CDH12: variants seen among roughly 807,000 people sequenced by gnomAD.
The protein encoded by CDH12 is cadherin 12.
Under a neutral mutation model 74.1 loss-of-function variants are expected in CDH12, and 41 were observed. The ratio of observed to expected loss-of-function variants is 0.55; its 90% CI spans 0.43 to 0.72. The LOEUF (loss-of-function observed/expected upper bound fraction) is 0.72. CDH12 is among the 30% of genes least tolerant of loss of function. CDH12 has a pLI of 0.00. For missense variants in CDH12, 945 were observed against 977.2 expected, an observed-to-expected ratio of 0.97 and a Z score of 0.44; for synonymous variants, 399 against 355.0, an observed-to-expected ratio of 1.12 and a Z score of -1.39.
At chr5:21,839,761 T>C (rs1365981743) in intron 8 of CDH12, among the ~76,000 whole-genome samples, 1 of 152,166 alleles carries the variant, frequency 6.6e-6, no homozygotes, top group Non-Finnish European at 1.5e-5. Context: ...TTTTTGACTG[T>C]TTATGCAAAT....
At chr5:21,998,479 G>C (rs1052331651) in intron 5 of CDH12, among the ~76,000 whole-genome samples, 3 of 151,966 alleles carry the variant, frequency 2.0e-5, no homozygotes, top group African/African-American at 7.2e-5. Flanking sequence ...TAGTACAGAG[G>C]ACACAAATAG....
chr5:22,648,420 A>G (rs1417078967), intron 1 of CDH12, among the ~76,000 whole-genome samples: 1 of 151,852 alleles, frequency 6.6e-6, no homozygotes, highest in East Asian at 1.9e-4. Context: ...GGTATTGAAG[A>G]AACTGGACAG....
chr5:22,819,036 A>G (rs1241006076), intron 1 of CDH12, among the ~76,000 whole-genome samples: 2 of 152,152 alleles, frequency 1.3e-5, no homozygotes, highest in East Asian at 3.9e-4. Context: ...CCCACTTAAT[A>G]AAAATAAATT....
intron 3 of CDH12, among the ~76,000 whole-genome samples, chr5:22,385,995 C>A (rs901008404): frequency 6.7e-6 from 1 of 149,862 alleles, no homozygotes; most frequent in South Asian, 2.1e-4. Context: ...CAGTTTCAAG[C>A]AATTGTCCTG....
intron 2 of CDH12, among the ~76,000 whole-genome samples, chr5:22,465,064 AAGAG>A (rs770234306): frequency 7.4e-6 from 1 of 134,584 alleles, no homozygotes; most frequent in Middle Eastern, 3.8e-3. Flanking sequence ...GAGGGGGGGA[AAGAG>A]AGAGAGAGAG....
intron 3 of CDH12, among the ~76,000 whole-genome samples, chr5:22,357,163 C>T (rs928826262): frequency 2.6e-5 from 4 of 151,998 alleles, no homozygotes; most frequent in African/African-American, 9.7e-5. Flanking sequence ...TCTGACAAGG[C>T]AAAAGTGAAC....
At chr5:21,753,707 C>A (rs1361002437) in intron 14 of CDH12, among the ~76,000 whole-genome samples, 1 of 152,060 alleles carries the variant, frequency 6.6e-6, no homozygotes, top group Non-Finnish European at 1.5e-5. Context: ...CTGCTGTATA[C>A]CAAAAATTCA....
intron 2 of CDH12, among the ~76,000 whole-genome samples, chr5:22,414,760 T>C (rs1414960710): frequency 6.6e-6 from 1 of 151,894 alleles, no homozygotes; most frequent in Non-Finnish European, 1.5e-5. Flanking sequence ...ATTAAATTTC[T>C]AAAATAAAAT....
chr5:21,830,947 A>G (rs1439186333), intron 8 of CDH12, among the ~76,000 whole-genome samples: 1 of 152,012 alleles, frequency 6.6e-6, no homozygotes. Flanking sequence ...GCTGAGGCAG[A>G]GAATTGCTTG....
chr5:22,819,449 C>A (rs547791551), intron 1 of CDH12, among the ~76,000 whole-genome samples: 4 of 151,922 alleles, frequency 2.6e-5, no homozygotes, highest in African/African-American at 7.2e-5. Context: ...AAGTGGGCAA[C>A]TCAAAAAATC....
intron 3 of CDH12, among the ~76,000 whole-genome samples, chr5:22,276,940 GA>G (rs1736661801): frequency 6.6e-6 from 1 of 152,176 alleles, no homozygotes; most frequent in Admixed American, 6.5e-5. Context: ...TTATAGATGA[GA>G]AAATGGAGGC....
At chr5:21,878,397 T>A (rs889493247) in intron 6 of CDH12, among the ~76,000 whole-genome samples, 2 of 152,156 alleles carry the variant, frequency 1.3e-5, no homozygotes, top group Non-Finnish European at 2.9e-5. Context: ...AATACGTTTA[T>A]TAATGAGATC....
intron 3 of CDH12, among the ~76,000 whole-genome samples, chr5:22,382,785 G>C (rs1481848056): frequency 6.6e-6 from 1 of 151,726 alleles, no homozygotes; most frequent in Non-Finnish European, 1.5e-5. Context: ...TAAGTGTTGA[G>C]ACTGAATCGA....
intron 3 of CDH12, among the ~76,000 whole-genome samples, chr5:22,322,768 C>G (rs929284195): frequency 6.6e-6 from 1 of 152,146 alleles, no homozygotes; most frequent in Non-Finnish European, 1.5e-5. Flanking sequence ...TAGGCTCATT[C>G]ACTGGGCAGG....
At chr5:21,796,469 T>C (rs951797529) in intron 10 of CDH12, among the ~76,000 whole-genome samples, 4 of 152,014 alleles carry the variant, frequency 2.6e-5, no homozygotes, top group African/African-American at 9.7e-5. Context: ...GTGAAAACAT[T>C]GTAAGATGAA....
intron 6 of CDH12, among the ~76,000 whole-genome samples, chr5:21,868,973 T>C (rs1368082712): frequency 6.6e-6 from 1 of 152,210 alleles, no homozygotes; most frequent in Non-Finnish European, 1.5e-5. Flanking sequence ...TTCTTGTTCC[T>C]GCAACTTTGT....
chr5:21,779,484 A>T (rs191105361), intron 11 of CDH12: 1 of 152,346 alleles, frequency 6.6e-6, no homozygotes, highest in Non-Finnish European at 1.5e-5. Context: ...CTCATTGAAA[A>T]TACTCAAGGT....
chr5:22,569,618 G>C (rs186610141), intron 1 of CDH12, among the ~76,000 whole-genome samples: 9 of 152,230 alleles, frequency 5.9e-5, no homozygotes, highest in African/African-American at 2.2e-4. Flanking sequence ...GTTTCACAAT[G>C]TTTACAGCAT....
chr5:22,654,257 TCTTG>T (rs922933622), intron 1 of CDH12, among the ~76,000 whole-genome samples: 3 of 151,654 alleles, frequency 2.0e-5, no homozygotes, highest in African/African-American at 4.8e-5. Flanking sequence ...TCTTTCTCTT[TCTTG>T]CTTTCTTTCT....
Sources: gnomAD v4.1 joint callset for allele counts (sites outside exome capture counted in the v4.1 genomes callset) on GRCh38, gnomAD v4.1.1 for gene constraint, MANE v1.5 for transcripts, NCBI Gene and HGNC (gene_info 2026-07-23, HGNC 2026-07-21) for gene names.